The following CCDC15 variants were observed in gnomAD, a reference collection of about 807,000 sequenced individuals.
The protein encoded by CCDC15 is coiled-coil domain containing 15, also known as coiled-coil domain-containing protein 15.
In CCDC15, 105 loss-of-function variants were observed where a neutral mutation model predicts 114.5. That is an observed-to-expected ratio of 0.92 (90% confidence interval 0.78 to 1.08). The LOEUF is 1.08. Ranked by LOEUF, CCDC15 falls within the 50% of genes least tolerant of loss-of-function variation. The pLI is 0.00. For missense variants in CCDC15, 1,105 were observed against 1,093.6 expected (o/e 1.01, Z -0.15); for synonymous variants, 334 against 377.8 (o/e 0.88, Z 1.34).
At chr11:124,975,466 A>G (rs1218522510) in intron 5 of CCDC15, among the ~76,000 whole-genome samples, 1 of 152,212 alleles carries the variant, frequency 6.6e-6, no homozygotes, top group African/African-American at 2.4e-5. Context: ...GAAATTAAGT[A>G]TGATATGATC....
rs200759529 is a variant in CCDC15 at position 124,954,752 on chromosome 11, G to A, written c.20G>A (p.Arg7Gln). The change falls in exon 2 of 16, where the codon CGA (arginine) becomes CAA (glutamine). Residue 7 changes from arginine (R) to glutamine (Q), a missense_variant. Coordinates refer to ENST00000344762, the MANE Select transcript of CCDC15 (RefSeq NM_025004.3). MLGSMA[R>Q]KKPRNTSRLP... ...TCACAGATGCTGGGAAGTATGGCCC[G>A]AAAGAAACCTCGAAATACCTCAAGG... 726 of 1,613,800 alleles carry A rather than the reference G, an allele frequency of 4.5e-4. 8 individuals are homozygous for A. In the South Asian group the frequency reaches 7.5e-3, roughly 17 times the overall value.
chr11:125,006,626 ACC>A (rs1216506440), intron 13 of CCDC15, among the ~76,000 whole-genome samples: 4 of 152,006 alleles, frequency 2.6e-5, no homozygotes, highest in Non-Finnish European at 2.9e-5. Flanking sequence ...CTCCTGTGTT[ACC>A]TTCTAGGAGT....
chr11:125,038,823 G>T, intron 14 of CCDC15, 98 bp from the exon 15 acceptor site: 1 of 1,371,372 alleles, frequency 7.3e-7, no homozygotes, highest in Non-Finnish European at 1.0e-6. Context: ...CCAGAGATAC[G>T]GAATAGATTT....
intron 12 of CCDC15, among the ~76,000 whole-genome samples, chr11:125,004,221 TATTTA>T (rs1039858522): frequency 2.0e-5 from 3 of 152,006 alleles, no homozygotes; most frequent in African/African-American, 7.2e-5. Context: ...CACTATAACT[TATTTA>T]AAGGAAGATA....
chr11:124,957,217 A>G (rs1947567502), intron 2 of CCDC15, among the ~76,000 whole-genome samples: 3 of 152,142 alleles, frequency 2.0e-5, no homozygotes, highest in Non-Finnish European at 4.4e-5. Flanking sequence ...GGCTCAAATA[A>G]CTGGACATGT....
rs145049356 is a variant in CCDC15 at position 125,027,971 on chromosome 11, A to G, written c.2412-10460A>G. On this transcript the variant is annotated intron_variant, in intron 13 of 15. Transcript: ENST00000344762. ...TATGTATGGCTTGCCAGTTATTCCA[A>G]CGCAATTTACTGAACAGGGTGTCCT... is the stretch of plus-strand genomic sequence containing the variant. Among the ~76,000 whole-genome samples, 37 of 152,080 alleles carry G rather than the reference A, an allele frequency of 2.4e-4. No individual in the cohort carries two copies. The East Asian group carries it at 6.0e-3, about 25-fold the overall frequency.
At chr11:125,028,199 C>T (rs1948717825) in intron 13 of CCDC15, among the ~76,000 whole-genome samples, 1 of 152,128 alleles carries the variant, frequency 6.6e-6, no homozygotes, top group African/African-American at 2.4e-5. Flanking sequence ...AATGTGATGC[C>T]TCCAGGTTTG....
intron 6 of CCDC15, among the ~76,000 whole-genome samples, chr11:124,984,781 C>T (rs1948129824): frequency 6.6e-6 from 1 of 152,116 alleles, no homozygotes; most frequent in South Asian, 2.1e-4. Context: ...TGCACGGTAG[C>T]CCTCTTCAAG....
intron 4 of CCDC15, among the ~76,000 whole-genome samples, chr11:124,973,854 A>G (rs1331856415): frequency 6.6e-6 from 1 of 152,200 alleles, no homozygotes; most frequent in African/African-American, 2.4e-5. Flanking sequence ...GATAATTGAT[A>G]TTATTAAACT....
intron 11 of CCDC15, among the ~76,000 whole-genome samples, chr11:124,998,540 C>T (rs1948414180): frequency 6.6e-6 from 1 of 152,076 alleles, no homozygotes; most frequent in South Asian, 2.1e-4. Flanking sequence ...CATACCAAAC[C>T]TTTCACAGTC....
chr11:125,011,121 GA>G (rs942850693), intron 13 of CCDC15, among the ~76,000 whole-genome samples: 340 of 148,430 alleles, frequency 2.3e-3, no homozygotes, highest in Non-Finnish European at 4.0e-3. Flanking sequence ...TCATCTTAAT[GA>G]AAAAAAAATA....
chr11:124,958,578 GT>G (rs1947595859), intron 2 of CCDC15, among the ~76,000 whole-genome samples: 2 of 152,178 alleles, frequency 1.3e-5, no homozygotes, highest in East Asian at 3.9e-4. Context: ...TACATATCCT[GT>G]CCTCAAAGAG....
chr11:124,968,765 C>T (rs547281470), intron 4 of CCDC15, among the ~76,000 whole-genome samples: 1 of 152,176 alleles, frequency 6.6e-6, no homozygotes, highest in Non-Finnish European at 1.5e-5. Context: ...CAGACCGGAG[C>T]TGTTCCTATT....
rs981214541 is a variant in CCDC15 at position 124,954,857 on chromosome 11, T to C, written c.125T>C (p.Val42Ala). ...GAGAGGAACGAGGCTATAGTACCAGTTGGGGCATGGGTGGAACCTGCCTCA... is the reference window on the plus strand; with the variant it reads ...GAGAGGAACGAGGCTATAGTACCAGCTGGGGCATGGGTGGAACCTGCCTCA... Reference protein sequence around the residue: ...LAERNEAIVPVGAWVEPASPG... With the variant: ...LAERNEAIVPAGAWVEPASPG... Residue 42 changes from valine (V) to alanine (A), a missense_variant, in exon 2 of 16, where the codon GTT (valine) becomes GCT (alanine). By Grantham distance (64) the Val-to-Ala change is moderately conservative (BLOSUM62 0). Transcript: ENST00000344762. The C allele has an allele frequency of 1.2e-6, 2 of 1,613,990 alleles. No individual in the cohort carries two copies. Among genetic ancestry groups the C allele is most frequent in the Non-Finnish European group, 1.7e-6 (2 of 1,179,860 alleles).
At chr11:124,983,690 C>T (rs1948110071) in intron 6 of CCDC15, among the ~76,000 whole-genome samples, 1 of 152,148 alleles carries the variant, frequency 6.6e-6, no homozygotes, top group South Asian at 2.1e-4. Context: ...GGTCACAACA[C>T]ACTGATGGAT....
chr11:124,990,998 C>T (rs1392035119), intron 8 of CCDC15, among the ~76,000 whole-genome samples: 1 of 152,190 alleles, frequency 6.6e-6, no homozygotes, highest in Non-Finnish European at 1.5e-5. Context: ...CAATTATATT[C>T]TGATCTTGGT....
intron 3 of CCDC15, among the ~76,000 whole-genome samples, chr11:124,959,517 G>T (rs561784615): frequency 3.7e-4 from 56 of 152,178 alleles, no homozygotes; most frequent in Non-Finnish European, 7.1e-4. Context: ...TTGAATTTTG[G>T]CTTTGCTACT....
At chr11:124,963,106 A>G (rs182761986) in intron 4 of CCDC15, among the ~76,000 whole-genome samples, 2 of 151,406 alleles carry the variant, frequency 1.3e-5, no homozygotes, top group East Asian at 3.9e-4. Flanking sequence ...GCTGCAATAA[A>G]CACATGTGTC....
chr11:125,029,143 A>G (rs916535585), intron 13 of CCDC15, among the ~76,000 whole-genome samples: 2 of 152,178 alleles, frequency 1.3e-5, no homozygotes, highest in Non-Finnish European at 2.9e-5. Flanking sequence ...AACTGATTAG[A>G]TTGTGCCAAC....
Sources: allele counts gnomAD v4.1 joint callset (sites outside exome capture counted in the v4.1 genomes callset), GRCh38; gene constraint gnomAD v4.1.1; transcripts MANE v1.5; gene names NCBI Gene and HGNC (gene_info 2026-07-23, HGNC 2026-07-21).